Variants in LAPTM4B observed in about 807,000 individuals in gnomAD.
The protein encoded by LAPTM4B is lysosomal-associated transmembrane protein 4B.
Under a neutral mutation model 28.5 loss-of-function variants are expected in LAPTM4B, and 26 were observed. That is an observed-to-expected ratio of 0.91 (90% CI 0.67 to 1.27). LAPTM4B has a LOEUF of 1.27. LAPTM4B is among the 50% of genes most tolerant of loss of function. The pLI is 0.00. For missense variants in LAPTM4B, 288 were observed against 285.8 expected (o/e 1.01, Z -0.06); for synonymous variants, 109 against 106.4 (o/e 1.02, Z -0.15).
chr8:97,827,137 A>T (rs1242980904), intron 6 of LAPTM4B, among the ~76,000 whole-genome samples: 1 of 152,198 alleles, frequency 6.6e-6, no homozygotes, highest in Non-Finnish European at 1.5e-5. Flanking sequence ...ATAGGTTTTC[A>T]TCCACAGTTC....
At chr8:97,780,138 G>A (rs1816286335) in intron 1 of LAPTM4B, among the ~76,000 whole-genome samples, 1 of 150,844 alleles carries the variant, frequency 6.6e-6, no homozygotes, top group Admixed American at 6.6e-5. Flanking sequence ...TTAAATAAGA[G>A]TCCAGGCCGG....
In LAPTM4B at chr8:97,836,320, A is replaced by G. The variant is rs998559049; in HGVS notation, c.603+11167A>G. On this transcript the variant is annotated intron_variant, in intron 6 of 6. Transcript: ENST00000521545. ...CTCAGCCTCCTGAGTAGCTGGGACT[A>G]CAGGCACATGCCACCATGCCTGGCT... Among the ~76,000 whole-genome samples, 35 of 152,076 alleles carry G rather than the reference A, an allele frequency of 2.3e-4. 1 individual carries two copies. The highest frequency in any genetic ancestry group is 8.2e-4 in the African/African-American group (34 of 41,402).
intron 6 of LAPTM4B, among the ~76,000 whole-genome samples, chr8:97,842,505 G>GT (rs1466374346): frequency 1.3e-5 from 2 of 151,900 alleles, no homozygotes; most frequent in African/African-American, 2.4e-5. Flanking sequence ...CCTAATCTTT[G>GT]TTTTTTTGTT....
intron 1 of LAPTM4B, among the ~76,000 whole-genome samples, chr8:97,794,223 G>T (rs541915431): frequency 6.6e-6 from 1 of 152,062 alleles, no homozygotes; most frequent in African/African-American, 2.4e-5. Flanking sequence ...CAGGTGAACC[G>T]CCCGCCTTGG....
chr8:97,792,496 C>G (rs192113074), intron 1 of LAPTM4B, among the ~76,000 whole-genome samples: 1 of 152,300 alleles, frequency 6.6e-6, no homozygotes, highest in Admixed American at 6.5e-5. Flanking sequence ...CTCAAATGAT[C>G]CACCTCCCTT....
chr8:97,796,828 T>C (rs944958381), intron 1 of LAPTM4B, among the ~76,000 whole-genome samples: 2 of 152,170 alleles, frequency 1.3e-5, no homozygotes, highest in African/African-American at 4.8e-5. Context: ...TAATCCCAGC[T>C]ACTCAGGAGG....
chr8:97,822,489 C>T (rs1379737838), intron 5 of LAPTM4B, among the ~76,000 whole-genome samples: 1 of 151,788 alleles, frequency 6.6e-6, no homozygotes, highest in Non-Finnish European at 1.5e-5. Context: ...CATTTTGAGT[C>T]AGAGGACCTA....
chr8:97,798,237 G>T (rs1816621451), intron 1 of LAPTM4B, among the ~76,000 whole-genome samples: 1 of 152,138 alleles, frequency 6.6e-6, no homozygotes, highest in Non-Finnish European at 1.5e-5. Flanking sequence ...ATCTGTCTGG[G>T]TTTAGTAGCT....
At chr8:97,843,510 G>A (rs1817382636) in intron 6 of LAPTM4B, among the ~76,000 whole-genome samples, 1 of 152,174 alleles carries the variant, frequency 6.6e-6, no homozygotes, top group East Asian at 1.9e-4. Flanking sequence ...AGGCACAGTG[G>A]CTCACACCTG....
chr8:97,811,994 C>T (rs146238299), intron 2 of LAPTM4B, among the ~76,000 whole-genome samples: 6,554 of 151,568 alleles, frequency 0.043, 191 homozygotes, highest in Admixed American at 0.081. Context: ...TTAGTAGAGA[C>T]GGGGTTTTGC....
chr8:97,825,619 A>C (rs984148854), intron 6 of LAPTM4B, among the ~76,000 whole-genome samples: 2 of 152,254 alleles, frequency 1.3e-5, no homozygotes, highest in Non-Finnish European at 2.9e-5. Context: ...ATTCTTAGTA[A>C]AATAATTTAG....
chr8:97,846,325 C>T (rs1817432959), intron 6 of LAPTM4B, among the ~76,000 whole-genome samples: 1 of 133,188 alleles, frequency 7.5e-6, no homozygotes, highest in Non-Finnish European at 1.6e-5. Context: ...CCAGAGTATC[C>T]AATTTTTTTT....
At chr8:97,813,109 A>G (rs1178491023) in intron 2 of LAPTM4B, among the ~76,000 whole-genome samples, 3 of 152,256 alleles carry the variant, frequency 2.0e-5, no homozygotes, top group Non-Finnish European at 2.9e-5. Flanking sequence ...ATTGACTTAT[A>G]TGACCACAAG....
intron 5 of LAPTM4B, 94 bp from the exon 6 acceptor site, chr8:97,824,964 A>T (rs1466469591): frequency 1.4e-6 from 1 of 705,378 alleles, no homozygotes; most frequent in Non-Finnish European, 2.5e-6. Flanking sequence ...TGCTTATGTC[A>T]ATAAAAGTTT....
chr8:97,840,092 G>T (rs985158164), intron 6 of LAPTM4B, among the ~76,000 whole-genome samples: 2 of 152,216 alleles, frequency 1.3e-5, no homozygotes, highest in Non-Finnish European at 2.9e-5. Context: ...GCACATTCAG[G>T]CTTCAGGAAC....
chr8:97,827,294 C>T (rs780606270), intron 6 of LAPTM4B, among the ~76,000 whole-genome samples: 2 of 152,082 alleles, frequency 1.3e-5, no homozygotes, highest in Admixed American at 6.5e-5. Context: ...TAAGACCTTC[C>T]CTAAAGAGGG....
intron 6 of LAPTM4B, among the ~76,000 whole-genome samples, chr8:97,848,119 G>A (rs760044494): frequency 2.0e-5 from 3 of 151,898 alleles, no homozygotes; most frequent in Middle Eastern, 3.4e-3. Context: ...AAAATTAGCC[G>A]GGTGTAGTGG....
intron 5 of LAPTM4B, among the ~76,000 whole-genome samples, chr8:97,819,849 C>T (rs1460005729): frequency 2.0e-5 from 3 of 151,238 alleles, no homozygotes; most frequent in Non-Finnish European, 4.4e-5. Context: ...ATTATCTTGC[C>T]TCAGCCTCCC....
At chr8:97,799,230 G>GA (rs1816635841) in intron 1 of LAPTM4B, among the ~76,000 whole-genome samples, 2 of 152,208 alleles carry the variant, frequency 1.3e-5, no homozygotes, top group African/African-American at 4.8e-5. Context: ...TTCTTAGCCA[G>GA]ACTATTGTAG....
Sources: gnomAD v4.1 joint callset for allele counts (sites outside exome capture counted in the v4.1 genomes callset) on GRCh38, gnomAD v4.1.1 for gene constraint, MANE v1.5 for transcripts, NCBI Gene and HGNC (gene_info 2026-07-23, HGNC 2026-07-21) for gene names.